The following CNOT4 variants were observed in gnomAD, a reference collection of about 807,000 sequenced individuals.
CNOT4 encodes the protein CCR4-associated factor 4.
In CNOT4, 8 loss-of-function variants were observed where a neutral mutation model predicts 73.8. The observed-to-expected ratio is 0.11, with a 90% CI of 0.06 to 0.20. CNOT4 has a LOEUF of 0.20. Ranked by LOEUF, CNOT4 falls within the 10% of genes least tolerant of loss-of-function variation. CNOT4 has a pLI of 1.00. For synonymous variants in CNOT4, 293 were observed against 321.1 expected (o/e 0.91, Z 0.94); for missense variants, 564 against 883.4 (o/e 0.64, Z 4.58).
intron 8 of CNOT4, 60 bp from the exon 9 acceptor site, chr7:135,395,943 T>G (rs902671432): frequency 4.8e-6 from 6 of 1,248,002 alleles, no homozygotes; most frequent in Non-Finnish European, 5.7e-6. Context: ...TAAGCCACAA[T>G]TAAAAAGTTT....
At chr7:135,388,832 CTTG>C (rs1450725817) in intron 10 of CNOT4, 8 of 1,613,154 alleles carry the variant, frequency 5.0e-6, no homozygotes, top group Admixed American at 1.7e-5. Flanking sequence ...GGCTGCTGTC[CTTG>C]TTGTAATGAA....
At chr7:135,380,819 T>C (rs1271981410) in intron 10 of CNOT4, among the ~76,000 whole-genome samples, 3 of 152,188 alleles carry the variant, frequency 2.0e-5, no homozygotes, top group Non-Finnish European at 4.4e-5. Flanking sequence ...TTATCATCAT[T>C]GTTATTATTC....
At chr7:135,485,036 A>G (rs1802627440) in intron 1 of CNOT4, among the ~76,000 whole-genome samples, 1 of 152,170 alleles carries the variant, frequency 6.6e-6, no homozygotes, top group Non-Finnish European at 1.5e-5. Context: ...GATGTATAGT[A>G]TAATGCAATT....
intron 1 of CNOT4, among the ~76,000 whole-genome samples, chr7:135,450,888 C>CA (rs1800117001): frequency 6.6e-6 from 1 of 151,880 alleles, no homozygotes; most frequent in South Asian, 2.1e-4. Context: ...ACCCAGGAGG[C>CA]AGAGGTTGCA....
chr7:135,378,941 C>A (rs114828889), intron 10 of CNOT4, among the ~76,000 whole-genome samples: 2 of 148,246 alleles, frequency 1.3e-5, no homozygotes, highest in Admixed American at 6.8e-5. Context: ...GCCGTGTTTG[C>A]GCCACTGCAC....
intron 1 of CNOT4, among the ~76,000 whole-genome samples, chr7:135,471,155 C>T (rs140253576): frequency 6.8e-4 from 103 of 152,100 alleles, no homozygotes; most frequent in Non-Finnish European, 1.2e-3. Flanking sequence ...TCTTTTAGAA[C>T]ATACCTTGCA....
At chr7:135,441,218 C>T (rs1326230224) in intron 1 of CNOT4, among the ~76,000 whole-genome samples, 1 of 57,594 alleles carries the variant, frequency 1.7e-5, no homozygotes, top group African/African-American at 7.0e-5. Context: ...AAGAAAAATC[C>T]ATATTATCTA....
chr7:135,401,419 T>G (rs1796994690), intron 7 of CNOT4, among the ~76,000 whole-genome samples: 1 of 152,158 alleles, frequency 6.6e-6, no homozygotes, highest in Admixed American at 6.5e-5. Flanking sequence ...ATATAAGAAT[T>G]TGGATGCACT....
At chr7:135,504,549 G>C (rs62479465) in intron 1 of CNOT4, among the ~76,000 whole-genome samples, 55,996 of 100,072 alleles carry the variant, frequency 0.56, 20,277 homozygotes, top group South Asian at 0.67. Context: ...TGCAGTGGCG[G>C]GATCTCGGCT....
At chr7:135,486,676 A>G (rs1420651417) in intron 1 of CNOT4, among the ~76,000 whole-genome samples, 1 of 152,244 alleles carries the variant, frequency 6.6e-6, no homozygotes, top group Admixed American at 6.5e-5. Flanking sequence ...GTAAATAGCT[A>G]AACTGTGGTA....
chr7:135,463,663 A>T (rs572965396), intron 1 of CNOT4, among the ~76,000 whole-genome samples: 1 of 152,166 alleles, frequency 6.6e-6, no homozygotes, highest in African/African-American at 2.4e-5. Context: ...CAACTGCAAC[A>T]AAAGCAAAAA....
At chr7:135,416,971 TA>T (rs1483355628) in intron 3 of CNOT4, among the ~76,000 whole-genome samples, 5 of 152,188 alleles carry the variant, frequency 3.3e-5, no homozygotes, top group African/African-American at 1.2e-4. Context: ...ATATTATACG[TA>T]ATTACAAAGT....
intron 5 of CNOT4, among the ~76,000 whole-genome samples, chr7:135,413,907 T>G (rs898504430): frequency 6.6e-6 from 1 of 152,022 alleles, no homozygotes; most frequent in African/African-American, 2.4e-5. Flanking sequence ...TTCCATGTTA[T>G]GAGTGGTTAG....
At chr7:135,469,920 T>A (rs1471536945) in intron 1 of CNOT4, among the ~76,000 whole-genome samples, 1 of 151,960 alleles carries the variant, frequency 6.6e-6, no homozygotes, top group Non-Finnish European at 1.5e-5. Context: ...CTCCTAGGTT[T>A]AAGCAATTCT....
At chr7:135,377,246 T>C (rs1795571304) in intron 10 of CNOT4, among the ~76,000 whole-genome samples, 1 of 152,222 alleles carries the variant, frequency 6.6e-6, no homozygotes, top group Non-Finnish European at 1.5e-5. Context: ...AAAGCTACAT[T>C]AGTTTTAAAA....
chr7:135,464,353 T>C (rs867883846), intron 1 of CNOT4, among the ~76,000 whole-genome samples: 3 of 152,088 alleles, frequency 2.0e-5, no homozygotes, highest in Admixed American at 1.3e-4. Context: ...TATGTAGCCA[T>C]AAAAAAAGAA....
At chr7:135,458,663 G>C (rs1483294433) in intron 1 of CNOT4, among the ~76,000 whole-genome samples, 1 of 152,032 alleles carries the variant, frequency 6.6e-6, no homozygotes, top group Non-Finnish European at 1.5e-5. Flanking sequence ...ATCTTCAGGA[G>C]AAGGTCCCAT....
At position 135,442,625 on chromosome 7, in the gene CNOT4, A is replaced by C. The variant is rs1220012348; in HGVS notation, c.-92-4202T>G. Reference sequence around the variant, plus strand: ...CAAAAATAAATAAGTAAAATAAAATAAAACAATGCATTCAAATAATAAGAT... The same window carrying C: ...CAAAAATAAATAAGTAAAATAAAATCAAACAATGCATTCAAATAATAAGAT... On this transcript the variant is annotated intron_variant, in intron 1 of 11. Transcript: ENST00000541284. 3.9e-5 allele frequency among the ~76,000 whole-genome samples: 6 copies of C among 152,288 alleles called. No homozygotes were observed. The East Asian group carries it at 1.2e-3, about 29-fold the overall frequency.
intron 1 of CNOT4, among the ~76,000 whole-genome samples, chr7:135,489,609 T>C (rs951173156): frequency 6.6e-6 from 1 of 152,008 alleles, no homozygotes; most frequent in Non-Finnish European, 1.5e-5. Context: ...TTGGCCAGGC[T>C]AGTCTTGAAC....
Sources: allele counts gnomAD v4.1 joint callset (sites outside exome capture counted in the v4.1 genomes callset), GRCh38; gene constraint gnomAD v4.1.1; transcripts MANE v1.5; gene names NCBI Gene and HGNC (gene_info 2026-07-23, HGNC 2026-07-21).